CTNNA3: variants seen among roughly 807,000 people sequenced by gnomAD.
CTNNA3 encodes the protein catenin alpha-3.
In CTNNA3, 76 loss-of-function variants were observed where a neutral mutation model predicts 95.7. The observed-to-expected ratio is 0.79, with a 90% CI of 0.66 to 0.96. The LOEUF (loss-of-function observed/expected upper bound fraction) is 0.96, where lower values mean the gene tolerates loss of function less well. CTNNA3 is among the 40% of genes least tolerant of loss of function. The pLI, the probability that CTNNA3 is intolerant of heterozygous loss-of-function variation, is 0.00. For missense variants in CTNNA3, 1,191 were observed against 1,089.8 expected (o/e 1.09, Z -1.31); for synonymous variants, 431 against 374.4 (o/e 1.15, Z -1.74).
At chr10:66,657,187 A>G (rs1373547522) in intron 9 of CTNNA3, among the ~76,000 whole-genome samples, 1 of 152,128 alleles carries the variant, frequency 6.6e-6, no homozygotes, top group Non-Finnish European at 1.5e-5. Context: ...GCCATATTTT[A>G]TTTGACATTG....
chr10:67,390,899 C>G (rs377525560), intron 5 of CTNNA3, among the ~76,000 whole-genome samples: 2 of 149,692 alleles, frequency 1.3e-5, no homozygotes, highest in African/African-American at 4.9e-5. Context: ...ATTGATGGGA[C>G]GTATTTCAAA....
chr10:66,115,586 TA>T (rs2082307476), intron 13 of CTNNA3, among the ~76,000 whole-genome samples: 224 of 118,030 alleles, frequency 1.9e-3, no homozygotes, highest in East Asian at 3.4e-3. Flanking sequence ...AGATGATAGA[TA>T]GATAGAGATA....
intron 13 of CTNNA3, among the ~76,000 whole-genome samples, chr10:66,153,106 T>A (rs1263184715): frequency 6.6e-6 from 1 of 151,974 alleles, no homozygotes; most frequent in Admixed American, 6.6e-5. Context: ...ATAAAGCCCA[T>A]AAAATGTTTC....
At chr10:66,785,224 GGTCAGATGCA>G (rs1267630749) in intron 7 of CTNNA3, among the ~76,000 whole-genome samples, 3 of 152,150 alleles carry the variant, frequency 2.0e-5, no homozygotes, top group Non-Finnish European at 4.4e-5. Context: ...GTGAACTGCA[GGTCAGATGCA>G]GACCTCCAAG....
At chr10:66,239,514 G>C (rs1458359777) in intron 13 of CTNNA3, among the ~76,000 whole-genome samples, 2 of 151,778 alleles carry the variant, frequency 1.3e-5, no homozygotes, top group Non-Finnish European at 2.9e-5. Flanking sequence ...AATAGATTAG[G>C]CACTCTCAAC....
intron 7 of CTNNA3, among the ~76,000 whole-genome samples, chr10:66,796,630 A>T (rs1841202804): frequency 6.6e-6 from 1 of 152,102 alleles, no homozygotes; most frequent in African/African-American, 2.4e-5. Context: ...TTCGATTTGT[A>T]AAAACCACCA....
chr10:66,115,173 A>G (rs2082277014), intron 13 of CTNNA3, among the ~76,000 whole-genome samples: 1 of 152,214 alleles, frequency 6.6e-6, no homozygotes, highest in African/African-American at 2.4e-5. Context: ...TCACCTTGCA[A>G]TAGGTCTATC....
At chr10:66,892,184 T>C (rs991958041) in intron 7 of CTNNA3, among the ~76,000 whole-genome samples, 1 of 152,146 alleles carries the variant, frequency 6.6e-6, no homozygotes, top group African/African-American at 2.4e-5. Context: ...AGGAAAGCTT[T>C]AAGTACAATG....
chr10:66,779,426 G>C (rs1034454149), intron 7 of CTNNA3, among the ~76,000 whole-genome samples: 1 of 151,682 alleles, frequency 6.6e-6, no homozygotes, highest in South Asian at 2.1e-4. Context: ...GTGCCATCTC[G>C]GCTCACTGCA....
At chr10:67,302,067 GAAAGAAAGAAAGAAAGAA>G (rs1487132471) in intron 5 of CTNNA3, among the ~76,000 whole-genome samples, 1 of 81,096 alleles carries the variant, frequency 1.2e-5, no homozygotes, top group Admixed American at 1.2e-4. Flanking sequence ...AAGAAAGAAA[GAAAGAAAGAAAGAAAGAA>G]AGAAAGAAAG....
At chr10:66,376,056 G>C (rs1473691478) in intron 12 of CTNNA3, among the ~76,000 whole-genome samples, 2 of 152,076 alleles carry the variant, frequency 1.3e-5, no homozygotes, top group Admixed American at 1.3e-4. Flanking sequence ...AACTAGGTGG[G>C]GGTTGGAGGT....
At chr10:65,998,132 G>T (rs1340063086) in intron 15 of CTNNA3, among the ~76,000 whole-genome samples, 1 of 152,160 alleles carries the variant, frequency 6.6e-6, no homozygotes, top group Non-Finnish European at 1.5e-5. Context: ...GATTCTACAA[G>T]GTAGGAAAAA....
At chr10:66,588,754 G>A (rs1469455755) in intron 10 of CTNNA3, among the ~76,000 whole-genome samples, 1 of 152,076 alleles carries the variant, frequency 6.6e-6, no homozygotes, top group Non-Finnish European at 1.5e-5. Flanking sequence ...GAAATTTCTT[G>A]AGCATCAATA....
intron 5 of CTNNA3, among the ~76,000 whole-genome samples, chr10:67,314,305 A>G (rs1293559962): frequency 6.6e-6 from 1 of 152,228 alleles, no homozygotes; most frequent in Non-Finnish European, 1.5e-5. Context: ...CTATCTATAA[A>G]ACTGTGTCAA....
chr10:66,618,900 G>C (rs1844633799), intron 10 of CTNNA3, among the ~76,000 whole-genome samples: 1 of 152,284 alleles, frequency 6.6e-6, no homozygotes, highest in East Asian at 1.9e-4. Flanking sequence ...AGTGGGCGAA[G>C]GATATGAACA....
At chr10:66,939,061 C>T (rs1242708111) in intron 7 of CTNNA3, among the ~76,000 whole-genome samples, 2 of 152,170 alleles carry the variant, frequency 1.3e-5, no homozygotes, top group African/African-American at 4.8e-5. Flanking sequence ...CAAGGGAACA[C>T]CCTACGCTAT....
intron 5 of CTNNA3, among the ~76,000 whole-genome samples, chr10:67,484,405 A>G (rs1170788617): frequency 6.6e-6 from 1 of 152,190 alleles, no homozygotes; most frequent in African/African-American, 2.4e-5. Flanking sequence ...ACTTTGGGAA[A>G]TAATTTATCA....
At chr10:66,541,938 A>T (rs1048798364) in intron 10 of CTNNA3, among the ~76,000 whole-genome samples, 1 of 152,184 alleles carries the variant, frequency 6.6e-6, no homozygotes, top group Non-Finnish European at 1.5e-5. Flanking sequence ...AACTACCATC[A>T]GAGTGAACAG....
intron 7 of CTNNA3, among the ~76,000 whole-genome samples, chr10:66,948,953 A>G (rs1456896417): frequency 6.6e-6 from 1 of 152,216 alleles, no homozygotes; most frequent in Non-Finnish European, 1.5e-5. Context: ...ACATAATTCC[A>G]GATCAGATAA....
Sources: gnomAD v4.1 joint callset for allele counts (sites outside exome capture counted in the v4.1 genomes callset) on GRCh38, gnomAD v4.1.1 for gene constraint, MANE v1.5 for transcripts, NCBI Gene and HGNC (gene_info 2026-07-23, HGNC 2026-07-21) for gene names.